The following CFAP61 variants were observed in gnomAD, a reference collection of about 807,000 sequenced individuals.
CFAP61 encodes cilia- and flagella-associated protein 61.
A neutral mutation model predicts 135.6 loss-of-function variants in CFAP61; 107 were observed. That is an observed-to-expected ratio of 0.79 (90% CI 0.67 to 0.93). The LOEUF is 0.93. CFAP61 is among the 40% of genes least tolerant of loss of function. The pLI, the probability that CFAP61 is intolerant of heterozygous loss-of-function variation, is 0.00. For synonymous variants in CFAP61, 575 were observed against 578.5 expected (o/e 0.99, Z 0.09); for missense variants, 1,507 against 1,556.2 (o/e 0.97, Z 0.53).
At position 20,056,011 on chromosome 20, in the gene CFAP61, T is replaced by C; in HGVS notation, c.-36-607T>C. ...AACGTTAGGTTCTCCACTGTTGCCG[T>C]CATTAGAGATTCTCTTCCCAAAGAG... is the stretch of plus-strand genomic sequence containing the variant. On this transcript the variant is annotated intron_variant, in intron 1 of 26. Coordinates refer to ENST00000245957, the MANE Select transcript of CFAP61 (RefSeq NM_015585.4). 1.9e-6 allele frequency: 3 copies of C among 1,605,844 alleles called. No individual in the cohort carries two copies. In the South Asian group the frequency reaches 3.3e-5, roughly 18 times the overall value.
chr20:20,132,902 A>G (rs1454849683), intron 8 of CFAP61, among the ~76,000 whole-genome samples: 2 of 152,086 alleles, frequency 1.3e-5, no homozygotes, highest in South Asian at 2.1e-4. Flanking sequence ...TGTGTTGCCC[A>G]TAAACAGCAT....
intron 7 of CFAP61, chr20:20,094,844 G>A (rs1181075148): frequency 6.6e-6 from 1 of 152,190 alleles, no homozygotes; most frequent in African/African-American, 2.4e-5. Context: ...CATGTCTGAT[G>A]TCTGAAGCCT....
chr20:20,053,167 T>C (rs1208990825), intron 1 of CFAP61, among the ~76,000 whole-genome samples: 5 of 152,180 alleles, frequency 3.3e-5, no homozygotes, highest in East Asian at 3.8e-4. Flanking sequence ...AGACAAATGC[T>C]CAGTAGATGT....
In CFAP61 at chr20:20,355,024, G is replaced by T. The variant is rs376839410; in HGVS notation, c.3514-5186G>T. ...GAGATGGTCACACTGCAAGAGGGGA[G>T]GTGATCACACTGAGGGGAGGTGGTC... On this transcript the variant is annotated intron_variant, in intron 26 of 26. Transcript: ENST00000245957. Among the ~76,000 whole-genome samples the T allele has an allele frequency of 2.0e-3, 292 of 145,842 alleles. 3 individuals are homozygous for T. The highest frequency in any genetic ancestry group is 7.2e-3 in the African/African-American group (279 of 38,832).
chr20:20,095,997 T>C (rs2047539534), intron 7 of CFAP61, among the ~76,000 whole-genome samples: 1 of 152,160 alleles, frequency 6.6e-6, no homozygotes, highest in Non-Finnish European at 1.5e-5. Flanking sequence ...ATGTAGATAT[T>C]TACAGGACAA....
intron 22 of CFAP61, among the ~76,000 whole-genome samples, chr20:20,279,759 T>C (rs1338494913): frequency 6.6e-6 from 1 of 152,226 alleles, no homozygotes; most frequent in African/African-American, 2.4e-5. Flanking sequence ...TTTGCTGTTA[T>C]ATTCTTTCTC....
At chr20:20,202,111 G>A (rs1270164350) in intron 17 of CFAP61, among the ~76,000 whole-genome samples, 3 of 152,088 alleles carry the variant, frequency 2.0e-5, no homozygotes, top group African/African-American at 4.8e-5. Context: ...GCTATGATCC[G>A]AAACCATTGC....
chr20:20,331,902 A>G lies in CFAP61; in HGVS notation c.3423-9929A>G, dbSNP rs540377383. On this transcript the variant is annotated intron_variant, in intron 25 of 26. Coordinates refer to ENST00000245957, the MANE Select transcript of CFAP61 (RefSeq NM_015585.4). The stretch of plus-strand genomic sequence containing the variant: ...GTGCTCTCTATGAAGAGAGAAGCAG[A>G]ATGAGAGCAGACAGGCACAGGAAGG... Among the ~76,000 whole-genome samples the G allele has an allele frequency of 1.5e-4, 23 of 152,338 alleles. No individual in the cohort carries two copies. The South Asian group carries it at 2.3e-3, about 15-fold the overall frequency.
rs368299050 is a variant in CFAP61 at position 20,164,144 on chromosome 20, C to T, written c.1121C>T (p.Pro374Leu). ...GCATCGCTCGTACTGCCTGAAGAGC[C>T]CGTCCACTTCCGCCCCATCTACAGG... ...SLASLVLPEEPVHFRPIYRGA... is the reference protein window; with the variant it reads ...SLASLVLPEELVHFRPIYRGA... The change falls in exon 11 of 27, where the codon CCC becomes CTC. Residue 374 changes from proline to leucine, a missense_variant. Transcript: ENST00000245957. 1 of 1,614,084 alleles carries T rather than the reference C, an allele frequency of 6.2e-7. No individual in the cohort carries two copies. The highest frequency in any genetic ancestry group is 8.5e-7 in the Non-Finnish European group (1 of 1,179,964).
chr20:20,214,608 G>A (rs1194776448), intron 17 of CFAP61, among the ~76,000 whole-genome samples: 2 of 152,200 alleles, frequency 1.3e-5, no homozygotes, highest in Non-Finnish European at 2.9e-5. Flanking sequence ...CAACAATGGA[G>A]GAAGCCATCC....
At chr20:20,193,613 A>T (rs1386129630) in intron 15 of CFAP61, among the ~76,000 whole-genome samples, 1 of 151,672 alleles carries the variant, frequency 6.6e-6, no homozygotes, top group African/African-American at 2.4e-5. Context: ...TTATTATAAT[A>T]ATTATTATTA....
chr20:20,267,599 T>C (rs1380369123), intron 21 of CFAP61: 3 of 152,680 alleles, frequency 2.0e-5, no homozygotes, highest in South Asian at 4.1e-4. Flanking sequence ...CAGCCACTGC[T>C]AGCTTATTTC....
intron 17 of CFAP61, among the ~76,000 whole-genome samples, chr20:20,219,962 G>C (rs1209940152): frequency 6.6e-6 from 1 of 152,146 alleles, no homozygotes; most frequent in African/African-American, 2.4e-5. Context: ...TGCAATAAAG[G>C]TGAGAGGAGC....
chr20:20,333,288 G>A lies in CFAP61; in HGVS notation c.3423-8543G>A, dbSNP rs146810379. Reference sequence around the variant, plus strand: ...TTACCTGGAGTGTCTCCTTGAATTCGGATAGTAACTCTTGGAACAAAGGAC... The same window carrying A: ...TTACCTGGAGTGTCTCCTTGAATTCAGATAGTAACTCTTGGAACAAAGGAC... On this transcript the variant is annotated intron_variant, in intron 25 of 26. Transcript: ENST00000245957. Among the ~76,000 whole-genome samples the A allele has an allele frequency of 4.6e-3, 693 of 152,218 alleles. 1 individual carries two copies. Among genetic ancestry groups the A allele is most frequent in the African/African-American group, 0.014 (600 of 41,538 alleles).
At chr20:20,296,324 TTC>T (rs2055555089) in intron 24 of CFAP61, among the ~76,000 whole-genome samples, 2 of 66,168 alleles carry the variant, frequency 3.0e-5, no homozygotes, top group African/African-American at 1.6e-4. Flanking sequence ...CCCTCCTTCC[TTC>T]CCTTCCTTCC....
chr20:20,227,815 A>G (rs971459632), intron 17 of CFAP61, among the ~76,000 whole-genome samples: 1 of 152,246 alleles, frequency 6.6e-6, no homozygotes, highest in Non-Finnish European at 1.5e-5. Context: ...CTTGTCTTCA[A>G]GTACCCAACT....
chr20:20,181,176 CATATATATGCATAT>C (rs1272474456), intron 13 of CFAP61, among the ~76,000 whole-genome samples: 4 of 146,944 alleles, frequency 2.7e-5, no homozygotes, highest in Non-Finnish European at 6.0e-5. Flanking sequence ...TATATATACA[CATATATATGCATAT>C]ATATGTATAT....
intron 8 of CFAP61, among the ~76,000 whole-genome samples, chr20:20,133,498 T>TTA (rs1330535533): frequency 6.6e-6 from 1 of 152,148 alleles, no homozygotes; most frequent in East Asian, 1.9e-4. Context: ...ATGCCACTTG[T>TTA]CCAAGCAGGT....
chr20:20,200,908 G>A, intron 17 of CFAP61: 1 of 985,268 alleles, frequency 1.0e-6, no homozygotes, highest in Non-Finnish European at 1.2e-6. Flanking sequence ...TGAGGGATGG[G>A]GAGGGCACCT....
Sources: allele counts gnomAD v4.1 joint callset (sites outside exome capture counted in the v4.1 genomes callset), GRCh38; gene constraint gnomAD v4.1.1; transcripts MANE v1.5; gene names NCBI Gene and HGNC (gene_info 2026-07-23, HGNC 2026-07-21).